Variants in GPC6 observed in about 807,000 individuals in gnomAD.
GPC6 encodes glypican-6.
Under a neutral mutation model 55.2 loss-of-function variants are expected in GPC6, and 14 were observed. The ratio of observed to expected loss-of-function variants is 0.25; its 90% CI spans 0.17 to 0.40. The LOEUF (loss-of-function observed/expected upper bound fraction) is 0.40, where lower values mean the gene tolerates loss of function less well. Among genes scored for constraint, GPC6 ranks in the 10% least tolerant of loss-of-function variants. The pLI is 1.00. For synonymous variants in GPC6, 278 were observed against 259.6 expected (o/e 1.07, Z -0.68); for missense variants, 641 against 708.5 (o/e 0.90, Z 1.08).
intron 2 of GPC6, among the ~76,000 whole-genome samples, chr13:93,647,983 GA>G (rs1880246874): frequency 6.6e-6 from 1 of 152,094 alleles, no homozygotes; most frequent in Non-Finnish European, 1.5e-5. Flanking sequence ...GTTTGCCTTG[GA>G]ATGGGCTGTA....
intron 1 of GPC6, among the ~76,000 whole-genome samples, chr13:93,414,752 G>A (rs963507817): frequency 1.3e-5 from 2 of 152,082 alleles, no homozygotes; most frequent in African/African-American, 2.4e-5. Flanking sequence ...GGAATGGAGA[G>A]GTGGAGGCAG....
chr13:93,682,362 C>A (rs908540487), intron 2 of GPC6, among the ~76,000 whole-genome samples: 6 of 152,118 alleles, frequency 3.9e-5, no homozygotes, highest in Non-Finnish European at 5.9e-5. Flanking sequence ...AACTGGGATG[C>A]CCCCATCCAG....
intron 1 of GPC6, chr13:93,395,294 GA>G (rs1792960158): frequency 2.1e-6 from 1 of 485,612 alleles, no homozygotes; most frequent in South Asian, 1.9e-5. Flanking sequence ...TCTTTGGCTG[GA>G]TGAAGCACCA....
chr13:93,569,117 C>T (rs151137656), intron 2 of GPC6, among the ~76,000 whole-genome samples: 1 of 152,244 alleles, frequency 6.6e-6, no homozygotes, highest in African/African-American at 2.4e-5. Flanking sequence ...TATTTTGATA[C>T]CTTCATTTAC....
At chr13:93,932,081 C>T (rs773821165) in intron 3 of GPC6, among the ~76,000 whole-genome samples, 1 of 152,168 alleles carries the variant, frequency 6.6e-6, no homozygotes, top group Non-Finnish European at 1.5e-5. Context: ...CATGATATTA[C>T]TTCATTCAAG....
At chr13:93,392,456 G>A (rs1875667255) in intron 1 of GPC6, among the ~76,000 whole-genome samples, 1 of 152,232 alleles carries the variant, frequency 6.6e-6, no homozygotes, top group African/African-American at 2.4e-5. Context: ...CCTTAAGGAG[G>A]CCCCTTAATT....
intron 1 of GPC6, among the ~76,000 whole-genome samples, chr13:93,284,886 G>A (rs1268595196): frequency 6.6e-6 from 1 of 152,146 alleles, no homozygotes; most frequent in Non-Finnish European, 1.5e-5. Flanking sequence ...CTTTATCAGA[G>A]GTTGTTATAT....
At chr13:93,431,229 A>T (rs1028697052) in intron 1 of GPC6, among the ~76,000 whole-genome samples, 1 of 152,100 alleles carries the variant, frequency 6.6e-6, no homozygotes, top group African/African-American at 2.4e-5. Context: ...TGAAGCATTT[A>T]TGTTGACCTG....
intron 1 of GPC6, among the ~76,000 whole-genome samples, chr13:93,433,895 C>G (rs1877466205): frequency 6.6e-6 from 1 of 152,176 alleles, no homozygotes; most frequent in Non-Finnish European, 1.5e-5. Flanking sequence ...AAACATGCCA[C>G]TCCGGATCCA....
At chr13:93,297,924 A>C (rs750314406) in intron 1 of GPC6, among the ~76,000 whole-genome samples, 1 of 152,194 alleles carries the variant, frequency 6.6e-6, no homozygotes, top group Non-Finnish European at 1.5e-5. Context: ...TCCCAAAAGC[A>C]ATCCCTCTGT....
chr13:94,263,342 G>A (rs376750159), intron 4 of GPC6, among the ~76,000 whole-genome samples: 72 of 152,282 alleles, frequency 4.7e-4, no homozygotes, highest in South Asian at 3.7e-3. Flanking sequence ...CACCTGCTAC[G>A]CAATTCACCC....
chr13:94,303,452 G>A (rs1185838389), intron 5 of GPC6, among the ~76,000 whole-genome samples: 1 of 152,154 alleles, frequency 6.6e-6, no homozygotes, highest in African/African-American at 2.4e-5. Context: ...AATCCAGCTA[G>A]TCCTGTCTCT....
At chr13:94,352,555 G>A (rs1046881643) in intron 6 of GPC6, among the ~76,000 whole-genome samples, 5 of 152,062 alleles carry the variant, frequency 3.3e-5, no homozygotes, top group African/African-American at 4.8e-5. Context: ...GCACCTCAAC[G>A]GAAGGTCACA....
At chr13:94,306,916 G>T (rs1301844219) in intron 6 of GPC6, among the ~76,000 whole-genome samples, 1 of 152,194 alleles carries the variant, frequency 6.6e-6, no homozygotes, top group East Asian at 1.9e-4. Context: ...TTATCTTGAT[G>T]TAAAATTAAC....
upstream of GPC6, among the ~76,000 whole-genome samples, chr13:93,225,904 C>G (rs1162888765): frequency 6.6e-6 from 1 of 152,120 alleles, no homozygotes. Context: ...ATTATTTTGT[C>G]TTGGTTTTCA....
intron 2 of GPC6, among the ~76,000 whole-genome samples, chr13:93,721,851 T>C (rs1258644204): frequency 6.6e-6 from 1 of 151,712 alleles, no homozygotes; most frequent in African/African-American, 2.4e-5. Context: ...GGCAATCTTT[T>C]GCTACTTATG....
At chr13:93,921,969 T>C (rs1324004611) in intron 3 of GPC6, among the ~76,000 whole-genome samples, 2 of 151,824 alleles carry the variant, frequency 1.3e-5, no homozygotes, top group Non-Finnish European at 2.9e-5. Context: ...AAATCTTCCT[T>C]GAGGGATATA....
chr13:94,101,930 T>C (rs1885878165), intron 4 of GPC6, among the ~76,000 whole-genome samples: 1 of 152,140 alleles, frequency 6.6e-6, no homozygotes, highest in Non-Finnish European at 1.5e-5. Flanking sequence ...CTTCATTTGT[T>C]AATGCAAAAA....
intron 2 of GPC6, among the ~76,000 whole-genome samples, chr13:93,621,307 G>A (rs550420701): frequency 6.6e-6 from 1 of 152,302 alleles, no homozygotes; most frequent in Non-Finnish European, 1.5e-5. Context: ...TACTTAAAGG[G>A]AGGCTGAGAG....
Sources: gnomAD v4.1 joint callset for allele counts (sites outside exome capture counted in the v4.1 genomes callset) on GRCh38, gnomAD v4.1.1 for gene constraint, MANE v1.5 for transcripts, NCBI Gene and HGNC (gene_info 2026-07-23, HGNC 2026-07-21) for gene names.